The following MYO15B variants were observed in gnomAD, a reference collection of about 807,000 sequenced individuals.
The protein encoded by MYO15B is myosin XVB.
A neutral mutation model predicts 119.3 loss-of-function variants in MYO15B; 207 were observed. That is an observed-to-expected ratio of 1.73 (90% CI 1.55 to 1.95). MYO15B has a LOEUF of 1.95. Ranked by LOEUF, MYO15B falls within the 30% of genes most tolerant of loss-of-function variation. MYO15B has a pLI of 0.00. For missense variants in MYO15B, 2,264 were observed against 1,203.1 expected, an observed-to-expected ratio of 1.88 and a Z score of -13.04; for synonymous variants, 966 against 498.9, an observed-to-expected ratio of 1.94 and a Z score of -12.48.
At chr17:75,596,595 G>A (rs1472933028) in intron 13 of MYO15B, 40 bp downstream of exon 13, 1 of 701,692 alleles carries the variant, frequency 1.4e-6, no homozygotes, top group Non-Finnish European at 2.6e-6. Flanking sequence ...GGCCGCTCAG[G>A]CATTGCCCAG....
intron 29 of MYO15B, chr17:75,613,983 C>A: frequency 1.7e-6 from 1 of 598,536 alleles, no homozygotes; most frequent in Non-Finnish European, 3.0e-6. Context: ...CTCAGCAGGT[C>A]AGAAAAGAAA....
Position 75,624,286 on chromosome 17 carries a change from A to T in MYO15B, c.8367+17A>T, listed in dbSNP as rs1174954164. ...GCTTTCCTGGTACTGGGGGTGGCGG[A>T]TGGGCATTGTGGGACACCCTGGGGT... is the stretch of plus-strand genomic sequence containing the variant. On this transcript the variant is annotated intron_variant, in intron 56 of 63. Transcript: ENST00000645453. 5.7e-6 allele frequency: 4 copies of T among 702,750 alleles called. No individual in the cohort carries two copies. Among genetic ancestry groups the T allele is most frequent in the African/African-American group, 5.2e-5 (3 of 57,232 alleles). 43.5% of individuals were successfully genotyped at this position (702,750 alleles called of 1,614,324 possible).
intron 57 of MYO15B, 28 bp from the exon 58 acceptor site, chr17:75,624,515 C>G (rs752110577): frequency 1.4e-6 from 1 of 703,076 alleles, no homozygotes; most frequent in South Asian, 1.5e-5. Context: ...CCTCCCTCCC[C>G]CTCATCACAG....
At chr17:75,600,015 TTTTTTTC>T (rs1171879738) in intron 14 of MYO15B, among the ~76,000 whole-genome samples, 5 of 150,600 alleles carry the variant, frequency 3.3e-5, no homozygotes, top group South Asian at 2.1e-4. Context: ...TCTATTTCTT[TTTTTTTC>T]TTTTTTCTTT....
intron 41 of MYO15B, 164 bp downstream of exon 41, chr17:75,617,468 G>A (rs1043559501): frequency 1.3e-5 from 7 of 556,668 alleles, no homozygotes; most frequent in East Asian, 1.2e-4. Context: ...CCCAGCTTCC[G>A]CGTTCCCACC....
chr17:75,600,003 T>G (rs2057143583), intron 14 of MYO15B, among the ~76,000 whole-genome samples: 1 of 150,402 alleles, frequency 6.6e-6, no homozygotes, highest in Non-Finnish European at 1.5e-5. Context: ...AAGCTCCTCA[T>G]CTCTATTTCT....
At chr17:75,602,122 A>T (rs1568145787) in intron 15 of MYO15B, among the ~76,000 whole-genome samples, 1 of 152,216 alleles carries the variant, frequency 6.6e-6, no homozygotes, top group Non-Finnish European at 1.5e-5. Context: ...AGGAGATGGC[A>T]CACTTTGCTT....
At position 75,626,353 on chromosome 17, in the gene MYO15B, A is replaced by G. The variant is rs1408735557; in HGVS notation, c.9214-54A>G. ...GCTCCGGAGTGCTGTGGGCCGGGGC[A>G]GAGGCGAGGGGCTGGCTGGGGAGCC... On this transcript the variant is annotated intron_variant, in intron 63 of 63. Coordinates refer to ENST00000645453, the Ensembl canonical transcript of MYO15B. 7.1e-6 allele frequency: 5 copies of G among 702,484 alleles called. No homozygotes were observed. The East Asian group carries it at 1.3e-4, about 19-fold the overall frequency. The allele number at this position is 702,484 out of a possible 1,614,324, so 43.5% of individuals were successfully genotyped here. A position where few individuals can be genotyped will look rare whatever the true frequency, so the allele number is the denominator to read the frequency against.
rs1363261655 is a variant in MYO15B at position 75,591,957 on chromosome 17, G to C, written c.2548-20G>C. On this transcript the variant is annotated intron_variant, in intron 5 of 63. Transcript: ENST00000645453. ...GGGCTACTGCTGCCCAGGGATGCTT[G>C]AACACCCCTCCCTGTACAGGTGGAG... The C allele has an allele frequency of 1.4e-6, 1 of 699,964 alleles. No individual in the cohort carries two copies. 43.4% of individuals were successfully genotyped at this position (699,964 alleles called of 1,614,324 possible).
At chr17:75,607,185 C>A in intron 21 of MYO15B, 1 of 382,626 alleles carries the variant, frequency 2.6e-6, no homozygotes, top group East Asian at 3.7e-5. Context: ...ACGTTTTCAT[C>A]CCGCAAACAG....
At chr17:75,588,285 C>T in exon 1 of MYO15B, 1 of 398,298 alleles carries the variant, frequency 2.5e-6, no homozygotes, top group East Asian at 3.6e-5. Context: ...GGAACGGCGG[C>T]TGCAGACGCC....
At chr17:75,590,569 A>G in intron 1 of MYO15B, 57 bp from the exon 2 acceptor site, 2 of 287,868 alleles carry the variant, frequency 6.9e-6, no homozygotes, top group Non-Finnish European at 1.3e-5. Context: ...TGGCAGAACT[A>G]ACCCACAACC....
intron 19 of MYO15B, among the ~76,000 whole-genome samples, chr17:75,604,053 TG>T (rs1391139524): frequency 2.0e-5 from 3 of 152,116 alleles, no homozygotes; most frequent in Non-Finnish European, 2.9e-5. Flanking sequence ...GTGATGGCCT[TG>T]GCAATGGGGA....
At chr17:75,601,443 G>A (rs775088050) in exon 15 of MYO15B, 8 of 702,850 alleles carry the variant, frequency 1.1e-5, no homozygotes, top group Admixed American at 1.0e-4. Context: ...CCTAGGCCAC[G>A]GACCACACCT....
At chr17:75,625,587 C>G (rs1308983414) in exon 61 of MYO15B, 5 of 702,928 alleles carry the variant, frequency 7.1e-6, no homozygotes, top group Non-Finnish European at 1.0e-5. Flanking sequence ...CGGCCTCCAT[C>G]AAGAACCTGA....
Position 75,605,878 on chromosome 17 carries a change from G to A in MYO15B, c.4149G>A (p.Glu1383=), listed in dbSNP as rs183364364. ...TCTACCCACAGGTCCTGCTGCAGGA[G>A]CAGGGCTGGCAGCGGCTGGAGGAGC... The change falls in exon 21 of 64, where the codon GAG becomes GAA. Residue 1383 remains glutamate, a synonymous_variant. Transcript: ENST00000645453. 8.4e-4 allele frequency: 586 copies of A among 697,592 alleles called. 4 individuals are homozygous for A. The African/African-American group carries it at 8.4e-3, about 10-fold the overall frequency. 43.2% of individuals were successfully genotyped at this position (697,592 alleles called of 1,614,324 possible).
intron 43 of MYO15B, 128 bp from the exon 44 acceptor site, chr17:75,619,015 A>C: frequency 1.5e-6 from 1 of 651,320 alleles, no homozygotes; most frequent in Non-Finnish European, 2.8e-6. Context: ...TCTGCTGAGC[A>C]CACAGGCCAT....
At chr17:75,594,323 A>G (rs2056703532) in intron 9 of MYO15B, 152 bp from the exon 10 acceptor site, 1 of 494,212 alleles carries the variant, frequency 2.0e-6, no homozygotes, top group Non-Finnish European at 3.5e-6. Flanking sequence ...CCTGAAAACC[A>G]TAGCCTCGCT....
chr17:75,588,228 C>A, exon 1 of MYO15B: 1 of 398,116 alleles, frequency 2.5e-6, no homozygotes, highest in Admixed American at 4.4e-5. Flanking sequence ...CTGCCACCGC[C>A]GGGGGCCAGG....
Sources: allele counts gnomAD v4.1 joint callset (sites outside exome capture counted in the v4.1 genomes callset), GRCh38; gene constraint gnomAD v4.1.1; transcripts MANE v1.5; gene names NCBI Gene and HGNC (gene_info 2026-07-23, HGNC 2026-07-21).